The following TAFA2 variants were observed in gnomAD, a reference collection of about 807,000 sequenced individuals.
TAFA2 encodes the protein chemokine-like protein TAFA-2.
In TAFA2, 7 loss-of-function variants were observed where a neutral mutation model predicts 18.8. That is an observed-to-expected ratio of 0.37 (90% CI 0.21 to 0.70). TAFA2 has a LOEUF of 0.70. TAFA2 is among the 30% of genes least tolerant of loss of function. The pLI is 0.53. For synonymous variants in TAFA2, 60 were observed against 54.2 expected (o/e 1.11, Z -0.47); for missense variants, 122 against 158.1 (o/e 0.77, Z 1.23).
chr12:62,135,132 G>C (rs1870844533), intron 1 of TAFA2, among the ~76,000 whole-genome samples: 1 of 151,952 alleles, frequency 6.6e-6, no homozygotes, highest in African/African-American at 2.4e-5. Flanking sequence ...AAGCTCTATG[G>C]AGTCAAGGAC....
At chr12:62,253,067 T>C (rs1199227869) in intron 1 of TAFA2, 1 of 152,190 alleles carries the variant, frequency 6.6e-6, no homozygotes, top group Non-Finnish European at 1.5e-5. Flanking sequence ...TCCTGACAGG[T>C]TGGACATTTG....
intron 1 of TAFA2, among the ~76,000 whole-genome samples, chr12:61,908,147 G>C (rs1009425644): frequency 6.6e-6 from 1 of 152,146 alleles, no homozygotes; most frequent in Non-Finnish European, 1.5e-5. Context: ...GTTTTGAAAT[G>C]TGAGGAAATT....
chr12:62,189,799 A>G (rs2062609763), intron 1 of TAFA2, among the ~76,000 whole-genome samples: 1 of 152,196 alleles, frequency 6.6e-6, no homozygotes. Context: ...GTTTAAAACA[A>G]TCTAGTTGAG....
intron 1 of TAFA2, among the ~76,000 whole-genome samples, chr12:62,023,283 G>A (rs1476879324): frequency 6.6e-6 from 1 of 151,972 alleles, no homozygotes; most frequent in Non-Finnish European, 1.5e-5. Context: ...TGGACAAGAG[G>A]TGGACCTCCC....
At chr12:61,727,795 T>C (rs1870241647) in intron 4 of TAFA2, among the ~76,000 whole-genome samples, 1 of 152,016 alleles carries the variant, frequency 6.6e-6, no homozygotes, top group Non-Finnish European at 1.5e-5. Context: ...ACTTATGGTG[T>C]GACCTTAGAT....
At chr12:61,838,750 T>C (rs970207448) in intron 2 of TAFA2, among the ~76,000 whole-genome samples, 18 of 152,090 alleles carry the variant, frequency 1.2e-4, no homozygotes, top group South Asian at 2.1e-4. Flanking sequence ...TGCCAGGTCT[T>C]GCAGAAGTAG....
intron 2 of TAFA2, among the ~76,000 whole-genome samples, chr12:61,842,467 A>T (rs1413204702): frequency 3.3e-5 from 5 of 152,022 alleles, no homozygotes; most frequent in African/African-American, 1.2e-4. Context: ...CAAGCAATGA[A>T]TTGTCTAAAT....
chr12:61,724,104 T>G (rs1258207595), intron 4 of TAFA2, among the ~76,000 whole-genome samples: 1 of 152,160 alleles, frequency 6.6e-6, no homozygotes, highest in East Asian at 1.9e-4. Flanking sequence ...AACAGAATTA[T>G]GTACTGTATA....
chr12:61,940,922 C>G lies in TAFA2; in HGVS notation c.-1-73496G>C, dbSNP rs113674689. ...GGAAAATAATTTAATACTAGATTAT[C>G]CAAGATAGGAGCCACTAGCTATATG... On this transcript the variant is annotated intron_variant, in intron 1 of 4. Transcript: ENST00000416284. 3.5e-4 allele frequency among the ~76,000 whole-genome samples: 53 copies of G among 152,122 alleles called. 1 individual carries two copies. Among genetic ancestry groups the G allele is most frequent in the African/African-American group, 1.3e-3 (52 of 41,496 alleles).
chr12:61,990,014 T>C (rs1394656564), intron 1 of TAFA2, among the ~76,000 whole-genome samples: 1 of 152,192 alleles, frequency 6.6e-6, no homozygotes, highest in Non-Finnish European at 1.5e-5. Context: ...CAAAGAAATG[T>C]CTGCTACCTG....
intron 1 of TAFA2, among the ~76,000 whole-genome samples, chr12:62,190,453 T>C (rs1380023000): frequency 5.3e-5 from 8 of 152,164 alleles, no homozygotes; most frequent in South Asian, 2.1e-4. Flanking sequence ...GCAAAGCAGT[T>C]AGCAGAAAAC....
At chr12:62,001,939 C>A (rs78066018) in intron 1 of TAFA2, among the ~76,000 whole-genome samples, 9,791 of 152,174 alleles carry the variant, frequency 0.064, 407 homozygotes, top group Non-Finnish European at 0.1. Flanking sequence ...AACTTGGAAT[C>A]AAAGATCCCA....
chr12:61,854,163 A>C (rs1363540165), intron 2 of TAFA2, among the ~76,000 whole-genome samples: 3 of 152,322 alleles, frequency 2.0e-5, no homozygotes, highest in Middle Eastern at 3.4e-3. Flanking sequence ...AAATCTTAGA[A>C]GGAGAGACTA....
At chr12:62,047,882 C>T (rs1013491244) in intron 1 of TAFA2, among the ~76,000 whole-genome samples, 7 of 152,200 alleles carry the variant, frequency 4.6e-5, no homozygotes, top group African/African-American at 1.7e-4. Flanking sequence ...TAAATAGAAC[C>T]TCTTCACAAG....
chr12:62,214,120 T>C (rs2062724383), intron 1 of TAFA2, among the ~76,000 whole-genome samples: 1 of 152,132 alleles, frequency 6.6e-6, no homozygotes, highest in South Asian at 2.1e-4. Context: ...TAGCCCCTTG[T>C]TTATTTAGGA....
intron 3 of TAFA2, 60 bp from the exon 4 acceptor site, chr12:61,753,806 C>A (rs2120757231): frequency 6.6e-7 from 1 of 1,521,730 alleles, no homozygotes; most frequent in Non-Finnish European, 8.9e-7. Flanking sequence ...TTCTCTTGTT[C>A]ACCTTTAAAG....
At chr12:61,750,133 T>C (rs1417069585) in intron 4 of TAFA2, among the ~76,000 whole-genome samples, 5 of 152,076 alleles carry the variant, frequency 3.3e-5, no homozygotes, top group Non-Finnish European at 5.9e-5. Flanking sequence ...ATAATTAGCT[T>C]ATAATTATGC....
chr12:62,152,176 T>A (rs944527702), intron 1 of TAFA2, among the ~76,000 whole-genome samples: 2 of 152,164 alleles, frequency 1.3e-5, no homozygotes, highest in Non-Finnish European at 1.5e-5. Flanking sequence ...GCCACACTCA[T>A]TAGAGAGCAT....
chr12:62,196,733 C>A (rs371409911), upstream of TAFA2, among the ~76,000 whole-genome samples: 2 of 151,958 alleles, frequency 1.3e-5, no homozygotes, highest in Non-Finnish European at 2.9e-5. Context: ...AAGAATAATA[C>A]AAAAAGTCTG....
Sources: gnomAD v4.1 joint callset for allele counts (sites outside exome capture counted in the v4.1 genomes callset) on GRCh38, gnomAD v4.1.1 for gene constraint, MANE v1.5 for transcripts, NCBI Gene and HGNC (gene_info 2026-07-23, HGNC 2026-07-21) for gene names.